HSPA4: variants seen among roughly 807,000 people sequenced by gnomAD.
HSPA4 encodes the protein heat shock 70 kDa protein 4.
Under a neutral mutation model 106.2 loss-of-function variants are expected in HSPA4, and 25 were observed. The ratio of observed to expected loss-of-function variants is 0.24; its 90% CI spans 0.17 to 0.33. The LOEUF (loss-of-function observed/expected upper bound fraction) is 0.33, where lower values mean the gene tolerates loss of function less well. Among genes scored for constraint, HSPA4 ranks in the 10% least tolerant of loss-of-function variants. The probability of loss-of-function intolerance (pLI) is 1.00; values close to 1 mark genes in which losing one functional copy is unlikely to be tolerated. For synonymous variants in HSPA4, 332 were observed against 333.6 expected (o/e 1.00, Z 0.05); for missense variants, 841 against 996.0 (o/e 0.84, Z 2.10).
intron 3 of HSPA4, among the ~76,000 whole-genome samples, chr5:133,067,979 G>A (rs1765330051): frequency 6.7e-6 from 1 of 148,896 alleles, no homozygotes; most frequent in African/African-American, 2.5e-5. Flanking sequence ...TGCCACCTCT[G>A]CCTCCTGGGT....
At chr5:133,100,112 G>C (rs1341873731) in intron 16 of HSPA4, among the ~76,000 whole-genome samples, 1 of 151,946 alleles carries the variant, frequency 6.6e-6, no homozygotes, top group African/African-American at 2.4e-5. Context: ...TGCCCAGGCT[G>C]GAGTGCAGTG....
chr5:133,070,745 T>TA (rs1379163155), intron 4 of HSPA4, among the ~76,000 whole-genome samples: 2 of 151,900 alleles, frequency 1.3e-5, no homozygotes, highest in Admixed American at 1.3e-4. Flanking sequence ...CTACTAAAAA[T>TA]ACAAAAATTA....
intron 9 of HSPA4, 70 bp from the exon 10 acceptor site, chr5:133,088,985 G>A (rs561745552): frequency 1.0e-4 from 72 of 718,312 alleles, no homozygotes; most frequent in Non-Finnish European, 1.5e-4. Flanking sequence ...TAATTTGTAT[G>A]TTTAAGTGAT....
intron 11 of HSPA4, 119 bp downstream of exon 11, chr5:133,089,814 G>T: frequency 1.4e-6 from 1 of 701,098 alleles, no homozygotes; most frequent in South Asian, 3.1e-5. Flanking sequence ...AGGAGTTCGA[G>T]ATCAGCCTGG....
At chr5:133,054,272 G>A (rs948216833) in intron 1 of HSPA4, among the ~76,000 whole-genome samples, 1 of 151,844 alleles carries the variant, frequency 6.6e-6, no homozygotes, top group South Asian at 2.1e-4. Flanking sequence ...GCGTAATCTC[G>A]GCTCACTGCA....
At chr5:133,081,483 A>T (rs968194988) in intron 7 of HSPA4, among the ~76,000 whole-genome samples, 3 of 152,166 alleles carry the variant, frequency 2.0e-5, no homozygotes, top group African/African-American at 4.8e-5. Context: ...TTCTTTGAAG[A>T]TAACTTTAGG....
intron 2 of HSPA4, 99 bp from the exon 3 acceptor site, chr5:133,067,318 T>C: frequency 9.8e-7 from 1 of 1,024,342 alleles, no homozygotes; most frequent in Non-Finnish European, 1.4e-6. Flanking sequence ...AGAAGGAGAC[T>C]CTATATAAAG....
intron 1 of HSPA4, 55 bp downstream of exon 1, chr5:133,052,412 C>A: frequency 8.4e-7 from 1 of 1,185,438 alleles, no homozygotes; most frequent in Non-Finnish European, 1.2e-6. Flanking sequence ...AATGCTTGTT[C>A]CAGTCTGGGA....
At chr5:133,102,272 C>T (rs952479177) in intron 17 of HSPA4, among the ~76,000 whole-genome samples, 2 of 152,134 alleles carry the variant, frequency 1.3e-5, no homozygotes, top group African/African-American at 4.8e-5. Flanking sequence ...ATTTTTTTCT[C>T]TTGTTCTCAT....
At chr5:133,054,240 T>C (rs970681210) in intron 1 of HSPA4, among the ~76,000 whole-genome samples, 1 of 151,924 alleles carries the variant, frequency 6.6e-6, no homozygotes, top group African/African-American at 2.4e-5. Flanking sequence ...TCTTACTCTG[T>C]TCCCTACGCT....
At chr5:133,077,539 G>T (rs1423517426) in intron 7 of HSPA4, among the ~76,000 whole-genome samples, 1 of 152,042 alleles carries the variant, frequency 6.6e-6, no homozygotes, top group African/African-American at 2.4e-5. Context: ...TGCCTAGCCC[G>T]AAATTTTTCT....
At chr5:133,089,252 CTG>C in intron 10 of HSPA4, 91 bp downstream of exon 10, 2 of 745,258 alleles carry the variant, frequency 2.7e-6, no homozygotes, top group Non-Finnish European at 4.3e-6. Flanking sequence ...TTACATAAAT[CTG>C]TAACATTTTA....
At chr5:133,098,861 C>T (rs536125541) in intron 15 of HSPA4, among the ~76,000 whole-genome samples, 2 of 150,824 alleles carry the variant, frequency 1.3e-5, no homozygotes, top group African/African-American at 4.9e-5. Context: ...TTAGTAGAGA[C>T]GGGGTTTCAC....
At chr5:133,089,867 A>T (rs1765623635) in intron 11 of HSPA4, among the ~76,000 whole-genome samples, 172 bp downstream of exon 11, 1 of 152,136 alleles carries the variant, frequency 6.6e-6, no homozygotes, top group Non-Finnish European at 1.5e-5. Context: ...AACAACAAAA[A>T]AAAGCTTATC....
At chr5:133,068,258 AAG>A (rs1765336650) in intron 3 of HSPA4, among the ~76,000 whole-genome samples, 2 of 152,110 alleles carry the variant, frequency 1.3e-5, no homozygotes, top group South Asian at 4.1e-4. Flanking sequence ...TTAATTTAGA[AAG>A]AGATGTTCTT....
intron 16 of HSPA4, among the ~76,000 whole-genome samples, chr5:133,100,570 C>T (rs368728688): frequency 1.5e-4 from 23 of 152,056 alleles, no homozygotes; most frequent in South Asian, 1.5e-3. Context: ...GAGGCCTAGG[C>T]GGGCGGATCA....
chr5:133,098,619 G>A (rs887546068), intron 15 of HSPA4, among the ~76,000 whole-genome samples: 1 of 147,268 alleles, frequency 6.8e-6, no homozygotes, highest in Non-Finnish European at 1.5e-5. Context: ...CACCGTGCCC[G>A]GTCTACCATG....
At position 133,096,088 on chromosome 5, in the gene HSPA4, A is replaced by T; in HGVS notation, c.1651-10A>T. 1 of 1,609,798 alleles carries T rather than the reference A, an allele frequency of 6.2e-7. No homozygotes were observed. The highest frequency in any genetic ancestry group is 8.5e-7 in the Non-Finnish European group (1 of 1,178,108). Reference sequence around the variant, plus strand: ...TATGTGTTTGTTCTTAATGATTTCTATTGTTTTAGACCTCTCAAGCTGGAT... The same window carrying T: ...TATGTGTTTGTTCTTAATGATTTCTTTTGTTTTAGACCTCTCAAGCTGGAT... On this transcript the variant is annotated splice_polypyrimidine_tract_variant and intron_variant, in intron 13 of 18. Coordinates refer to ENST00000304858, the MANE Select transcript of HSPA4 (RefSeq NM_002154.4).
chr5:133,101,247 C>T lies in HSPA4; in HGVS notation c.2038-512C>T, dbSNP rs529239910. Among the ~76,000 whole-genome samples the T allele has an allele frequency of 1.2e-3, 190 of 152,210 alleles. 2 individuals carry two copies. The South Asian group carries it at 0.014, about 11-fold the overall frequency. Reference sequence around the variant, plus strand: ...ATAACTGTGTCTATAGTTCTTCTTCCGTTATTTCCCCATGTCGCCCCACCC... The same window carrying T: ...ATAACTGTGTCTATAGTTCTTCTTCTGTTATTTCCCCATGTCGCCCCACCC... On this transcript the variant is annotated intron_variant, in intron 16 of 18. Transcript: ENST00000304858.
Sources: allele counts gnomAD v4.1 joint callset (sites outside exome capture counted in the v4.1 genomes callset), GRCh38; gene constraint gnomAD v4.1.1; transcripts MANE v1.5; gene names NCBI Gene and HGNC (gene_info 2026-07-23, HGNC 2026-07-21).